Variants in SRP68 observed in about 807,000 individuals in gnomAD.
SRP68 encodes signal recognition particle 68.
A neutral mutation model predicts 82.2 loss-of-function variants in SRP68; 15 were observed. The ratio of observed to expected loss-of-function variants is 0.18; its 90% confidence interval spans 0.12 to 0.28. The LOEUF (loss-of-function observed/expected upper bound fraction) is 0.28, where lower values mean the gene tolerates loss of function less well. Ranked by LOEUF, SRP68 falls within the 10% of genes least tolerant of loss-of-function variation. The probability of loss-of-function intolerance (pLI) is 1.00; values close to 1 mark genes in which losing one functional copy is unlikely to be tolerated. For missense variants in SRP68, 595 were observed against 780.5 expected (o/e 0.76, Z 2.83); for synonymous variants, 261 against 292.6 (o/e 0.89, Z 1.10).
chr17:76,045,933 TCCTGCTTGTCACAGC>T, intron 11 of SRP68, 90 bp downstream of exon 11: 2 of 1,403,780 alleles, frequency 1.4e-6, no homozygotes, highest in Non-Finnish European at 2.0e-6. Flanking sequence ...TACTAATAGG[TCCTGCTTGTCACAGC>T]CCTTCCGTGA....
At position 76,039,191 on chromosome 17, in the gene SRP68, G is replaced by C. The variant is rs1312503921; in HGVS notation, c.*515C>G. ...CTTCTAAAAATAGAGCTCTCTGCTT[G>C]TCTGAAACTTCTTAGCGTTCACTGG... On this transcript the variant is annotated 3_prime_UTR_variant, in exon 16 of 16. Coordinates refer to ENST00000307877, the MANE Select transcript of SRP68 (RefSeq NM_014230.4). 2.8e-6 allele frequency: 1 copy of C among 352,452 alleles called. No individual in the cohort carries two copies. Among genetic ancestry groups the C allele is most frequent in the Non-Finnish European group, 5.7e-6 (1 of 174,234 alleles). The allele number at this position is 352,452 out of a possible 1,614,324, so 21.8% of individuals were successfully genotyped here. A position where few individuals can be genotyped will look rare whatever the true frequency, so the allele number is the denominator to read the frequency against.
intron 8 of SRP68, chr17:76,053,616 GAAT>G: frequency 1.0e-6 from 1 of 985,334 alleles, no homozygotes; most frequent in Non-Finnish European, 1.2e-6. Context: ...TTCCCACTGG[GAAT>G]TTTACAAACA....
chr17:76,060,224 T>C, intron 7 of SRP68, 84 bp downstream of exon 7: 2 of 681,136 alleles, frequency 2.9e-6, no homozygotes, highest in Non-Finnish European at 4.9e-6. Flanking sequence ...CATATATTAA[T>C]ATCAAATATC....
Position 76,062,915 on chromosome 17 carries a change from T to C in SRP68, c.561+1061A>G, listed in dbSNP as rs534851509. 4.0e-3 allele frequency among the ~76,000 whole-genome samples: 599 copies of C among 147,902 alleles called. 1 individual carries two copies. Among genetic ancestry groups the C allele is most frequent in the Admixed American group, 7.6e-3 (108 of 14,266 alleles). ...CCTCCTGAGTAGCTGGGACTACAGG[T>C]GTCCGCCACTACGCCCAGCTAATTT... On this transcript the variant is annotated intron_variant, in intron 4 of 15. Coordinates refer to ENST00000307877, the MANE Select transcript of SRP68 (RefSeq NM_014230.4).
In SRP68 at chr17:76,064,083, G is replaced by A. The variant is rs749936481; in HGVS notation, c.454C>T (p.Arg152Trp). 7.4e-5 allele frequency: 119 copies of A among 1,614,076 alleles called. No homozygotes were observed. In the Middle Eastern group the frequency reaches 2.6e-3, roughly 36 times the overall value. The change falls in exon 4 of 16, where the codon CGG (arginine) becomes TGG (tryptophan). Residue 152 changes from arginine to tryptophan, a missense_variant. Around this residue, in one of 2 missense-constraint regions of SRP68, gnomAD observed 495 missense variants for 688.6 expected, o/e 0.72. Coordinates refer to ENST00000307877, the MANE Select transcript of SRP68 (RefSeq NM_014230.4). The stretch of plus-strand genomic sequence containing the variant: ...CGTAGGCGAGATAACAAGTGAAACC[G>A]TTTTCGGGGTTCAGTGTTGGCTTCC... ...KQEANTEPRK[R>W]FHLLSRLRKA...
At position 76,039,530 on chromosome 17, in the gene SRP68, T is replaced by C. The variant is rs1038057648; in HGVS notation, c.*176A>G. 11 of 680,536 alleles carry C rather than the reference T, an allele frequency of 1.6e-5. No homozygotes were observed. The highest frequency in any genetic ancestry group is 3.5e-5 in the South Asian group (2 of 56,658). The allele number at this position is 680,536 out of a possible 1,614,324, so 42.2% of individuals were successfully genotyped here. On this transcript the variant is annotated 3_prime_UTR_variant, in exon 16 of 16. Transcript: ENST00000307877. Reference sequence around the variant, plus strand: ...ACCAGAAGACAACAGGGTGCTCTCCTGACACGCTGCTTAAGAACGTGTACA... The same window carrying C: ...ACCAGAAGACAACAGGGTGCTCTCCCGACACGCTGCTTAAGAACGTGTACA...
chr17:76,056,656 T>G (rs1005108448), intron 8 of SRP68, among the ~76,000 whole-genome samples: 1 of 152,142 alleles, frequency 6.6e-6, no homozygotes, highest in African/African-American at 2.4e-5. Flanking sequence ...CTCAACACAT[T>G]AACAAAACAC....
chr17:76,064,668 C>A (rs954151394), intron 3 of SRP68, among the ~76,000 whole-genome samples: 1 of 151,914 alleles, frequency 6.6e-6, no homozygotes, highest in East Asian at 1.9e-4. Context: ...TGGTGAAACC[C>A]CATCTCTACT....
intron 4 of SRP68, chr17:76,061,803 A>G (rs538065112): frequency 1.8e-4 from 53 of 292,604 alleles, no homozygotes; most frequent in Non-Finnish European, 2.7e-4. Context: ...CTACAAAAAA[A>G]TTTAAAAATA....
Position 76,039,677 on chromosome 17 carries a change from A to C in SRP68, c.*29T>G. On this transcript the variant is annotated 3_prime_UTR_variant, in exon 16 of 16. Coordinates refer to ENST00000307877, the MANE Select transcript of SRP68 (RefSeq NM_014230.4). ...CTCACAATACAGATTAAGAGTCAGA[A>C]TCTCCCCCGCCCCCGAGGAAGAGCC... The C allele has an allele frequency of 6.3e-7, 1 of 1,596,504 alleles. No individual in the cohort carries two copies. The highest frequency in any genetic ancestry group is 1.1e-5 in the South Asian group (1 of 90,554).
intron 8 of SRP68, among the ~76,000 whole-genome samples, chr17:76,051,083 G>A (rs2066668882): frequency 6.6e-6 from 1 of 152,190 alleles, no homozygotes; most frequent in Non-Finnish European, 1.5e-5. Flanking sequence ...CCACCAAAAA[G>A]ACAGTTCTCC....
At chr17:76,062,457 A>T (rs1369693128) in intron 4 of SRP68, among the ~76,000 whole-genome samples, 9 of 131,686 alleles carry the variant, frequency 6.8e-5, no homozygotes, top group African/African-American at 2.6e-4. Flanking sequence ...CTAAAAAACA[A>T]ACAAAAAACC....
chr17:76,064,137 C>A lies in SRP68; in HGVS notation c.400G>T (p.Ala134Ser), dbSNP rs774648889. Reference protein sequence around the residue: ...LLLVLMDAERAWSYAMQLKQE... With the variant: ...LLLVLMDAERSWSYAMQLKQE... ...TTCAGCTGCATGGCGTAGCTCCAGG[C>A]TCTTTCAGCATCCATCAGAACCAGA... Residue 134 changes from alanine to serine, a missense_variant, in exon 4 of 16, where the codon GCC becomes TCC. Physicochemically the swap from Ala to Ser is moderately conservative, Grantham distance 99. Around this residue, in one of 2 missense-constraint regions of SRP68, gnomAD observed 495 missense variants for 688.6 expected, o/e 0.72. Transcript: ENST00000307877. 6.2e-7 allele frequency: 1 copy of A among 1,614,226 alleles called. No homozygotes were observed. Among genetic ancestry groups the A allele is most frequent in the Non-Finnish European group, 8.5e-7 (1 of 1,180,044 alleles).
At chr17:76,045,159 C>T (rs1038667834) in intron 12 of SRP68, 133 bp downstream of exon 12, 69 of 686,640 alleles carry the variant, frequency 1.0e-4, no homozygotes, top group Non-Finnish European at 1.2e-4. Flanking sequence ...GCTGGGCTGA[C>T]CTTCCTCTGA....
chr17:76,071,985 G>C lies in SRP68; in HGVS notation c.184+323C>G. The C allele has an allele frequency of 2.2e-6, 1 of 457,076 alleles. No homozygotes were observed. The highest frequency in any genetic ancestry group is 3.9e-6 in the Non-Finnish European group (1 of 257,528). The allele number at this position is 457,076 out of a possible 1,614,324, so 28.3% of individuals were successfully genotyped here. A position where few individuals can be genotyped will look rare whatever the true frequency, so the allele number is the denominator to read the frequency against. On this transcript the variant is annotated intron_variant, in intron 1 of 15. Transcript: ENST00000307877. This position sits in a 1 kb window ranked among gnomAD's most constrained non-coding sequence, Gnocchi z 4.7. ...TCCTCTCCCCAGTTCAGTGGCTCAA[G>C]GTGCCAAAGCAAGGTGCTCAAGGTG...
In SRP68 at chr17:76,067,225, G is replaced by A. The variant is rs140095940; in HGVS notation, c.357C>T (p.Thr119=). The change falls in exon 3 of 16, where the codon ACC becomes ACT. Residue 119 remains threonine, a synonymous_variant. Coordinates refer to ENST00000307877, the MANE Select transcript of SRP68 (RefSeq NM_014230.4). ...TGKKVTEELL[T]DNRYLLLVLM... Reference sequence around the variant, plus strand: ...CATGGAGCAGTCAATACCTATTATCGGTCAGAAGCTCTTCAGTCACTTTCT... The same window carrying A: ...CATGGAGCAGTCAATACCTATTATCAGTCAGAAGCTCTTCAGTCACTTTCT... The A allele has an allele frequency of 9.7e-5, 157 of 1,612,084 alleles. No individual in the cohort carries two copies. The African/African-American group carries it at 1.9e-3, about 19-fold the overall frequency.
rs534354189 is a variant in SRP68, at chr17:76,040,737, C to G, written c.1600+166G>C. 2.1e-4 allele frequency: 145 copies of G among 707,166 alleles called. 2 individuals are homozygous for G. In the South Asian group the frequency reaches 2.4e-3, roughly 12 times the overall value. 43.8% of individuals were successfully genotyped at this position (707,166 alleles called of 1,614,324 possible). ...CCAGTGTAACAGTGCACTCGAAATGCTTCTACACAATCTGATGCCCAGCTG... is the reference window on the plus strand; with the variant it reads ...CCAGTGTAACAGTGCACTCGAAATGGTTCTACACAATCTGATGCCCAGCTG... On this transcript the variant is annotated intron_variant, in intron 14 of 15. Transcript: ENST00000307877.
intron 4 of SRP68, among the ~76,000 whole-genome samples, chr17:76,062,657 TTATATAA>T (rs74221133): frequency 6.1e-4 from 16 of 26,384 alleles, no homozygotes; most frequent in Admixed American, 8.6e-4. Context: ...ACATTATATA[TTATATAA>T]TATACATTAT....
chr17:76,068,778 T>G (rs541128747), intron 2 of SRP68, among the ~76,000 whole-genome samples: 21 of 152,276 alleles, frequency 1.4e-4, no homozygotes, highest in African/African-American at 5.1e-4. Context: ...AGAATTATTT[T>G]TTTGAGACAG....
Sources: gnomAD v4.1 joint callset for allele counts (sites outside exome capture counted in the v4.1 genomes callset) on GRCh38, gnomAD v4.1.1 for gene constraint, gnomAD v4.1.1 regional missense constraint, Gnocchi (gnomAD v3.1) non-coding constraint, MANE v1.5 for transcripts, NCBI Gene and HGNC (gene_info 2026-07-23, HGNC 2026-07-21) for gene names.